The following ENOX1 variants were observed in gnomAD, a reference collection of about 807,000 sequenced individuals.
ENOX1 encodes the protein candidate growth-related and time keeping constitutive hydroquinone (NADH) oxidase.
Under a neutral mutation model 82.5 loss-of-function variants are expected in ENOX1, and 42 were observed. The ratio of observed to expected loss-of-function variants is 0.51; its 90% CI spans 0.40 to 0.66. ENOX1 has a LOEUF of 0.66. ENOX1 is among the 30% of genes least tolerant of loss of function. The probability of loss-of-function intolerance (pLI) is 0.00; values close to 1 mark genes in which losing one functional copy is unlikely to be tolerated. For synonymous variants in ENOX1, 271 were observed against 282.2 expected, an observed-to-expected ratio of 0.96 and a Z score of 0.40; for missense variants, 608 against 811.6, an observed-to-expected ratio of 0.75 and a Z score of 3.05.
chr13:43,320,384 A>G (rs1435989011), intron 11 of ENOX1, among the ~76,000 whole-genome samples: 1 of 152,074 alleles, frequency 6.6e-6, no homozygotes, highest in Non-Finnish European at 1.5e-5. Context: ...AAGTAACAAG[A>G]CTGGTGAAAG....
chr13:43,271,262 T>C (rs1158942555), intron 12 of ENOX1, among the ~76,000 whole-genome samples: 1 of 152,174 alleles, frequency 6.6e-6, no homozygotes, highest in African/African-American at 2.4e-5. Flanking sequence ...TTAATAATCG[T>C]GTATCTGTAT....
intron 14 of ENOX1, among the ~76,000 whole-genome samples, chr13:43,250,298 T>C (rs1264951159): frequency 1.3e-5 from 2 of 152,142 alleles, no homozygotes; most frequent in Non-Finnish European, 2.9e-5. Context: ...CCACCCCAAG[T>C]CTGTTCCTTA....
intron 2 of ENOX1, among the ~76,000 whole-genome samples, chr13:43,605,724 A>G (rs2081948769): frequency 6.6e-6 from 1 of 152,200 alleles, no homozygotes; most frequent in Non-Finnish European, 1.5e-5. Context: ...CACTGGGGAA[A>G]TTCTTCAGGA....
At chr13:43,254,972 A>G (rs577105321) in intron 14 of ENOX1, among the ~76,000 whole-genome samples, 1 of 152,286 alleles carries the variant, frequency 6.6e-6, no homozygotes, top group East Asian at 1.9e-4. Context: ...AGAAGAACAA[A>G]TAGTAATCCA....
chr13:43,668,597 A>G (rs2085101164), intron 1 of ENOX1, among the ~76,000 whole-genome samples: 1 of 152,248 alleles, frequency 6.6e-6, no homozygotes, highest in Non-Finnish European at 1.5e-5. Flanking sequence ...CATTGAAGAT[A>G]GACATTATTT....
intron 2 of ENOX1, among the ~76,000 whole-genome samples, chr13:43,541,377 T>C (rs2078720476): frequency 6.6e-6 from 1 of 151,890 alleles, no homozygotes; most frequent in Admixed American, 6.6e-5. Flanking sequence ...GACATGCACC[T>C]GTAGTCCCAG....
At chr13:43,558,254 A>G (rs574081185) in intron 2 of ENOX1, among the ~76,000 whole-genome samples, 1 of 152,242 alleles carries the variant, frequency 6.6e-6, no homozygotes, top group African/African-American at 2.4e-5. Flanking sequence ...CACCTTTCTG[A>G]TTACTGTCAG....
At chr13:43,485,573 A>G (rs1275926804) in intron 2 of ENOX1, among the ~76,000 whole-genome samples, 1 of 152,248 alleles carries the variant, frequency 6.6e-6, no homozygotes, top group African/African-American at 2.4e-5. Flanking sequence ...ACCAGAGCCT[A>G]GGATTATTAC....
chr13:43,645,570 C>T (rs985261340), intron 2 of ENOX1, among the ~76,000 whole-genome samples: 9 of 152,158 alleles, frequency 5.9e-5, no homozygotes, highest in Non-Finnish European at 1.0e-4. Context: ...CAATCATATG[C>T]CCTTTGCACA....
intron 1 of ENOX1, among the ~76,000 whole-genome samples, chr13:43,748,665 A>G (rs1054843806): frequency 1.3e-5 from 2 of 152,190 alleles, no homozygotes; most frequent in African/African-American, 4.8e-5. Context: ...TCCTCCTTCA[A>G]AGCATTATTA....
intron 2 of ENOX1, among the ~76,000 whole-genome samples, chr13:43,628,455 C>T (rs2083063455): frequency 6.6e-6 from 1 of 151,932 alleles, no homozygotes. Flanking sequence ...CATTTAGTTC[C>T]TCTTCATATT....
At chr13:43,710,588 A>G (rs2087623656) in intron 1 of ENOX1, among the ~76,000 whole-genome samples, 1 of 152,208 alleles carries the variant, frequency 6.6e-6, no homozygotes, top group Admixed American at 6.5e-5. Context: ...AATCAGAAGG[A>G]TAATAATTGA....
intron 2 of ENOX1, among the ~76,000 whole-genome samples, chr13:43,507,633 C>A (rs891555042): frequency 2.6e-5 from 4 of 151,988 alleles, no homozygotes; most frequent in South Asian, 4.2e-4. Context: ...TGGAAAAATT[C>A]TTGAGGATGT....
chr13:43,355,674 G>C (rs571980420), intron 8 of ENOX1, among the ~76,000 whole-genome samples: 1 of 152,286 alleles, frequency 6.6e-6, no homozygotes, highest in African/African-American at 2.4e-5. Flanking sequence ...GAGCATTCTG[G>C]AAAGGGGCAG....
chr13:43,700,035 T>C (rs1264581846), intron 1 of ENOX1, among the ~76,000 whole-genome samples: 3 of 152,210 alleles, frequency 2.0e-5, no homozygotes, highest in African/African-American at 4.8e-5. Flanking sequence ...ACCCTTGATA[T>C]TATTCCTTCT....
At chr13:43,460,781 G>C (rs190000952) in intron 3 of ENOX1, among the ~76,000 whole-genome samples, 1 of 109,460 alleles carries the variant, frequency 9.1e-6, no homozygotes, top group Non-Finnish European at 1.7e-5. Flanking sequence ...GCGACAGAGC[G>C]AGACTCCATC....
At chr13:43,597,567 C>T (rs2081525241) in intron 2 of ENOX1, among the ~76,000 whole-genome samples, 1 of 152,216 alleles carries the variant, frequency 6.6e-6, no homozygotes, top group Admixed American at 6.5e-5. Context: ...AACCATCTCT[C>T]ACCTGGATTA....
intron 2 of ENOX1, among the ~76,000 whole-genome samples, chr13:43,641,859 C>T (rs906387954): frequency 2.0e-5 from 3 of 151,962 alleles, no homozygotes; most frequent in African/African-American, 7.3e-5. Context: ...TAAAAGAAGT[C>T]TCATGCGTCT....
intron 2 of ENOX1, among the ~76,000 whole-genome samples, chr13:43,537,794 A>G (rs2078529496): frequency 6.6e-6 from 1 of 152,202 alleles, no homozygotes; most frequent in Non-Finnish European, 1.5e-5. Flanking sequence ...AACATTACCT[A>G]GCTTATTACT....
Sources: gnomAD v4.1 joint callset for allele counts (sites outside exome capture counted in the v4.1 genomes callset) on GRCh38, gnomAD v4.1.1 for gene constraint, MANE v1.5 for transcripts, NCBI Gene and HGNC (gene_info 2026-07-23, HGNC 2026-07-21) for gene names.